Variants in RANBP2 observed in about 807,000 individuals in gnomAD.
The protein encoded by RANBP2 is E3 SUMO-protein ligase RanBP2.
RANBP2 carries 57 observed loss-of-function variants against 303.6 expected under a neutral mutation model. The observed-to-expected ratio is 0.19, with a 90% CI of 0.15 to 0.23. The LOEUF (loss-of-function observed/expected upper bound fraction) is 0.23, where lower values mean the gene tolerates loss of function less well. RANBP2 is among the 10% of genes least tolerant of loss of function. The pLI is 1.00. For missense variants in RANBP2, 3,138 were observed against 3,780.8 expected, an observed-to-expected ratio of 0.83 and a Z score of 4.46; for synonymous variants, 1,167 against 1,301.5, an observed-to-expected ratio of 0.90 and a Z score of 2.23.
chr2:108,872,621 G>T, the RANBP2 span, among the ~76,000 whole-genome samples: 2 of 152,042 alleles, frequency 1.3e-5, no homozygotes, highest in African/African-American at 4.8e-5. Context: ...GGCATCTTGC[G>T]AGGGCTTCTT....
At chr2:109,379,061 AGT>A in the RANBP2 span, among the ~76,000 whole-genome samples, 1 of 152,212 alleles carries the variant, frequency 6.6e-6, no homozygotes, top group African/African-American at 2.4e-5. Context: ...ACCCAGAGAC[AGT>A]AACAGAGCCC....
the RANBP2 span, among the ~76,000 whole-genome samples, chr2:109,245,058 C>T: frequency 6.6e-6 from 1 of 152,118 alleles, no homozygotes; most frequent in Non-Finnish European, 1.5e-5. Context: ...GTCTGGGCAG[C>T]CTTGTGCTGA....
chr2:109,710,718 C>A, the RANBP2 span, among the ~76,000 whole-genome samples: 1 of 152,134 alleles, frequency 6.6e-6, no homozygotes, highest in Non-Finnish European at 1.5e-5. Context: ...CAGCAGAAAG[C>A]ACAGAGTCAG....
At chr2:109,302,811 A>G in the RANBP2 span, among the ~76,000 whole-genome samples, 1 of 152,174 alleles carries the variant, frequency 6.6e-6, no homozygotes, top group Admixed American at 6.5e-5. Context: ...TGCTGGAGAA[A>G]AGTGGACATT....
At chr2:109,622,326 T>C in the RANBP2 span, among the ~76,000 whole-genome samples, 1 of 152,220 alleles carries the variant, frequency 6.6e-6, no homozygotes, top group South Asian at 2.1e-4. Context: ...GAAATACCAC[T>C]TCTTTGGGAA....
At chr2:109,010,705 T>C in the RANBP2 span, among the ~76,000 whole-genome samples, 1 of 152,222 alleles carries the variant, frequency 6.6e-6, no homozygotes, top group Admixed American at 6.5e-5. Context: ...CTTCAACATA[T>C]GAATTTGCAG....
the RANBP2 span, chr2:109,544,781 T>A: frequency 1.2e-6 from 1 of 818,748 alleles, no homozygotes; most frequent in Admixed American, 6.2e-5. Context: ...TACTATTTAT[T>A]CTTTCAAAAA....
At chr2:108,896,805 CA>C in the RANBP2 span, 33 of 1,216,804 alleles carry the variant, frequency 2.7e-5, no homozygotes, top group Non-Finnish European at 3.7e-5. Flanking sequence ...TGACATATCA[CA>C]AAAGCCTTGA....
At chr2:109,061,922 C>T in the RANBP2 span, among the ~76,000 whole-genome samples, 1 of 152,094 alleles carries the variant, frequency 6.6e-6, no homozygotes, top group Non-Finnish European at 1.5e-5. Flanking sequence ...GTCAGCTGAC[C>T]GTGTGGCTGT....
the RANBP2 span, among the ~76,000 whole-genome samples, chr2:109,593,463 T>C: frequency 1.4e-5 from 2 of 143,826 alleles, no homozygotes; most frequent in Non-Finnish European, 3.0e-5. Flanking sequence ...TGGAGTGCAA[T>C]GGCATGATCT....
At chr2:108,895,263 T>A in the RANBP2 span, 1 of 152,584 alleles carries the variant, frequency 6.6e-6, no homozygotes, top group African/African-American at 2.4e-5. Flanking sequence ...TATGACTGAT[T>A]TTCCCCCTAA....
chr2:109,033,342 C>T, the RANBP2 span, among the ~76,000 whole-genome samples: 1 of 152,196 alleles, frequency 6.6e-6, no homozygotes, highest in Non-Finnish European at 1.5e-5. Flanking sequence ...TGAGTGTGCC[C>T]TCGGAAGCAG....
chr2:109,347,979 A>G, the RANBP2 span: 3 of 1,566,430 alleles, frequency 1.9e-6, no homozygotes, highest in Non-Finnish European at 2.6e-6. Flanking sequence ...GGGCCCCGCC[A>G]GCCCATGCAG....
chr2:109,666,447 T>C, the RANBP2 span, among the ~76,000 whole-genome samples: 1 of 152,202 alleles, frequency 6.6e-6, no homozygotes, highest in Admixed American at 6.5e-5. Flanking sequence ...ATCTGTATAG[T>C]TGACGTTGGT....
chr2:109,554,834 C>T, the RANBP2 span, among the ~76,000 whole-genome samples: 2 of 152,058 alleles, frequency 1.3e-5, no homozygotes, highest in African/African-American at 2.4e-5. Flanking sequence ...TGAAGCCACC[C>T]GTGTTAGTGC....
chr2:109,243,784 T>A, the RANBP2 span, among the ~76,000 whole-genome samples: 1 of 151,856 alleles, frequency 6.6e-6, no homozygotes, highest in Non-Finnish European at 1.5e-5. Flanking sequence ...AGGAAAGGAG[T>A]TTGGGACATG....
the RANBP2 span, chr2:108,884,473 C>T: frequency 0.71 from 107,497 of 152,130 alleles, 41,377 homozygotes; most frequent in East Asian, 0.9. Context: ...TGTTCCCATT[C>T]TGAAAAGCTT....
At chr2:109,498,281 C>A in the RANBP2 span, among the ~76,000 whole-genome samples, 2 of 152,006 alleles carry the variant, frequency 1.3e-5, no homozygotes, top group Admixed American at 6.5e-5. Context: ...TTCGGGACTG[C>A]GACCCAGAAC....
At chr2:109,242,974 T>C in the RANBP2 span, among the ~76,000 whole-genome samples, 1 of 152,264 alleles carries the variant, frequency 6.6e-6, no homozygotes, top group Admixed American at 6.5e-5. Flanking sequence ...GAGTCGGACT[T>C]CCGTGACTCA....
Sources: gnomAD v4.1 joint callset for allele counts (sites outside exome capture counted in the v4.1 genomes callset) on GRCh38, gnomAD v4.1.1 for gene constraint, MANE v1.5 for transcripts, NCBI Gene and HGNC (gene_info 2026-07-23, HGNC 2026-07-21) for gene names.